SNX14: variants seen among roughly 807,000 people sequenced by gnomAD.
SNX14 encodes the protein sorting nexin 14, also known as sorting nexin-14.
A neutral mutation model predicts 133.8 loss-of-function variants in SNX14; 93 were observed. The observed-to-expected ratio is 0.70, with a 90% CI of 0.59 to 0.83. SNX14 has a LOEUF of 0.83. SNX14 is among the 40% of genes least tolerant of loss of function. The pLI, the probability that SNX14 is intolerant of heterozygous loss-of-function variation, is 0.00. For synonymous variants in SNX14, 368 were observed against 365.6 expected, an observed-to-expected ratio of 1.01 and a Z score of -0.07; for missense variants, 945 against 1,094.9, an observed-to-expected ratio of 0.86 and a Z score of 1.93.
At chr6:85,560,757 G>C (rs1384742791) in intron 6 of SNX14, among the ~76,000 whole-genome samples, 1 of 152,146 alleles carries the variant, frequency 6.6e-6, no homozygotes, top group Non-Finnish European at 1.5e-5. Context: ...ACATAGGCCT[G>C]GCACAGTGGC....
At chr6:85,517,706 C>T (rs761017929) in intron 23 of SNX14, 50 bp downstream of exon 23, 15 of 1,533,000 alleles carry the variant, frequency 9.8e-6, no homozygotes, top group Non-Finnish European at 1.3e-5. Context: ...AAAGTAATCT[C>T]AAGTAGGGCA....
chr6:85,537,377 C>A (rs1012938087), intron 16 of SNX14, among the ~76,000 whole-genome samples: 1 of 152,038 alleles, frequency 6.6e-6, no homozygotes, highest in East Asian at 1.9e-4. Context: ...CTATTACTTT[C>A]TCAGTACTTC....
At chr6:85,540,320 A>G (rs1783277461) in intron 15 of SNX14, among the ~76,000 whole-genome samples, 1 of 152,188 alleles carries the variant, frequency 6.6e-6, no homozygotes, top group Non-Finnish European at 1.5e-5. Flanking sequence ...GGTCCTAGAA[A>G]AGGGCATGTC....
intron 21 of SNX14, among the ~76,000 whole-genome samples, chr6:85,520,885 G>A (rs1776644039): frequency 6.6e-6 from 1 of 152,164 alleles, no homozygotes; most frequent in African/African-American, 2.4e-5. Context: ...GAACATTTGT[G>A]CTGTTTCTAG....
chr6:85,507,526 A>G (rs958418626), intron 27 of SNX14, among the ~76,000 whole-genome samples: 1 of 152,146 alleles, frequency 6.6e-6, no homozygotes, highest in Non-Finnish European at 1.5e-5. Context: ...TGCCTCATTA[A>G]TTCATTTTTA....
At chr6:85,563,394 G>GT (rs1214727412) in intron 6 of SNX14, among the ~76,000 whole-genome samples, 1 of 151,848 alleles carries the variant, frequency 6.6e-6, no homozygotes, top group African/African-American at 2.4e-5. Flanking sequence ...AAAAATATTT[G>GT]TTTTTTTGCT....
chr6:85,565,572 T>C (rs1345180210), intron 5 of SNX14, among the ~76,000 whole-genome samples, 153 bp from the exon 6 acceptor site: 1 of 152,120 alleles, frequency 6.6e-6, no homozygotes, highest in South Asian at 2.1e-4. Flanking sequence ...AAAAAAGACA[T>C]GTACAAAAAA....
At chr6:85,513,680 T>C (rs993057655) in intron 26 of SNX14, 120 bp downstream of exon 26, 50 of 700,524 alleles carry the variant, frequency 7.1e-5, no homozygotes, top group South Asian at 3.9e-4. Context: ...TAACTGATCT[T>C]TGCAACTATT....
At chr6:85,506,504 G>T (rs994163012) in intron 28 of SNX14, among the ~76,000 whole-genome samples, 1 of 152,104 alleles carries the variant, frequency 6.6e-6, no homozygotes, top group Non-Finnish European at 1.5e-5. Context: ...TTTTAGTAGA[G>T]ACAGGGTTTC....
intron 2 of SNX14, among the ~76,000 whole-genome samples, chr6:85,572,781 A>G (rs1049167217): frequency 6.6e-6 from 1 of 152,034 alleles, no homozygotes; most frequent in Non-Finnish European, 1.5e-5. Context: ...ACATGGTAAA[A>G]CCCTGTCTCT....
chr6:85,551,260 A>T (rs1468615182), intron 7 of SNX14, among the ~76,000 whole-genome samples: 1 of 152,238 alleles, frequency 6.6e-6, no homozygotes, highest in Non-Finnish European at 1.5e-5. Flanking sequence ...CTGTGTTCTC[A>T]GAAAGATGCT....
At chr6:85,556,571 A>C (rs1450972003) in intron 7 of SNX14, among the ~76,000 whole-genome samples, 1 of 151,540 alleles carries the variant, frequency 6.6e-6, no homozygotes, top group African/African-American at 2.4e-5. Flanking sequence ...CCTGGGTTCA[A>C]GTCATTCTCC....
At chr6:85,538,426 T>C (rs1782601472) in intron 16 of SNX14, among the ~76,000 whole-genome samples, 1 of 152,138 alleles carries the variant, frequency 6.6e-6, no homozygotes, top group South Asian at 2.1e-4. Flanking sequence ...TGGGGGTTGT[T>C]GAAATCTAAA....
rs1233518991 is a variant in SNX14, at chr6:85,513,815, T to G, written c.2638A>C (p.Met880Leu). The G allele has an allele frequency of 1.9e-6, 3 of 1,610,960 alleles. No individual in the cohort carries two copies. Among genetic ancestry groups the G allele is most frequent in the Non-Finnish European group, 2.5e-6 (3 of 1,177,986 alleles). ...AATATTACACCTGGAATGTAATTCATCATTTCTTCAAAAGTCTGTTTTGCT... is the reference window on the plus strand; with the variant it reads ...AATATTACACCTGGAATGTAATTCAGCATTTCTTCAAAAGTCTGTTTTGCT... ...KGAKQTFEEM[M>L]NYIPDLLVKC... The change falls in exon 26 of 29, where the codon ATG (methionine) becomes CTG (leucine). Residue 880 changes from methionine (M) to leucine (L), a missense_variant. By Grantham distance (15) the Met-to-Leu change is conservative. Coordinates refer to ENST00000314673, the MANE Select transcript of SNX14 (RefSeq NM_153816.6).
intron 12 of SNX14, among the ~76,000 whole-genome samples, chr6:85,544,819 G>A (rs556480296): frequency 1.3e-5 from 2 of 152,302 alleles, no homozygotes; most frequent in Non-Finnish European, 2.9e-5. Context: ...TAAGAACTGT[G>A]AAAATGATTT....
chr6:85,579,382 C>G (rs1002993971), intron 1 of SNX14, among the ~76,000 whole-genome samples: 1 of 152,220 alleles, frequency 6.6e-6, no homozygotes, highest in Non-Finnish European at 1.5e-5. Flanking sequence ...AGGCTCTCAT[C>G]ATCCTCCCCA....
intron 16 of SNX14, 125 bp downstream of exon 16, chr6:85,538,713 C>A: frequency 1.5e-6 from 1 of 680,274 alleles, no homozygotes; most frequent in South Asian, 2.3e-5. Context: ...TCCTAAATAA[C>A]TAGGATATAA....
In SNX14 at chr6:85,543,594, C is replaced by CT; in HGVS notation, c.1264+10dup. The CT allele has an allele frequency of 1.3e-6, 2 of 1,559,250 alleles. No homozygotes were observed. Among genetic ancestry groups the CT allele is most frequent in the Non-Finnish European group, 1.7e-6 (2 of 1,148,522 alleles). The stretch of plus-strand genomic sequence containing the variant: ...GTGCTAAATAAGTCATTCTTATCGT[C>CT]TTTGACTTACTTCTTTGAATCTCTT... On this transcript the variant is annotated intron_variant, in intron 13 of 28. Transcript: ENST00000314673.
intron 21 of SNX14, among the ~76,000 whole-genome samples, chr6:85,521,853 C>T (rs893806618): frequency 6.6e-6 from 1 of 152,278 alleles, no homozygotes; most frequent in East Asian, 1.9e-4. Flanking sequence ...TCATTTTCTT[C>T]TAGTAGTTTT....
Sources: allele counts gnomAD v4.1 joint callset (sites outside exome capture counted in the v4.1 genomes callset), GRCh38; gene constraint gnomAD v4.1.1; transcripts MANE v1.5; gene names NCBI Gene and HGNC (gene_info 2026-07-23, HGNC 2026-07-21).